The following HFM1 variants were observed in gnomAD, a reference collection of about 807,000 sequenced individuals.
HFM1 encodes probable ATP-dependent DNA helicase HFM1.
A neutral mutation model predicts 192.1 loss-of-function variants in HFM1; 169 were observed. That is an observed-to-expected ratio of 0.88 (90% CI 0.78 to 1.00). The LOEUF (loss-of-function observed/expected upper bound fraction) is 1.00, where lower values mean the gene tolerates loss of function less well. Ranked by LOEUF, HFM1 falls within the 50% of genes least tolerant of loss-of-function variation. The pLI is 0.00. For synonymous variants in HFM1, 525 were observed against 537.8 expected, an observed-to-expected ratio of 0.98 and a Z score of 0.33; for missense variants, 1,661 against 1,668.0, an observed-to-expected ratio of 1.00 and a Z score of 0.07.
At chr1:91,273,563 T>A in intron 34 of HFM1, 149 bp downstream of exon 34, 1 of 533,360 alleles carries the variant, frequency 1.9e-6, no homozygotes, top group Non-Finnish European at 3.3e-6. Flanking sequence ...ACCCAAGAAT[T>A]TGAAAATGAT....
chr1:91,307,178 T>C (rs1441740094), intron 30 of HFM1, among the ~76,000 whole-genome samples: 1 of 152,166 alleles, frequency 6.6e-6, no homozygotes, highest in Non-Finnish European at 1.5e-5. Context: ...CTGTTGTATA[T>C]TTACATCCTA....
In HFM1 at chr1:91,261,222, A is replaced by G; in HGVS notation, c.*68T>C. The G allele has an allele frequency of 1.5e-6, 1 of 667,460 alleles. No individual in the cohort carries two copies. The highest frequency in any genetic ancestry group is 2.3e-6 in the Non-Finnish European group (1 of 443,686). The allele number at this position is 667,460 out of a possible 1,614,324, so 41.3% of individuals were successfully genotyped here. On this transcript the variant is annotated 3_prime_UTR_variant, in exon 39 of 39. Coordinates refer to ENST00000370425, the MANE Select transcript of HFM1 (RefSeq NM_001017975.6). ...CAATTATGAACTACTTTTTAAAAATAAAAAGCATGCTTTGTGATTAGGTGT... is the reference window on the plus strand; with the variant it reads ...CAATTATGAACTACTTTTTAAAAATGAAAAGCATGCTTTGTGATTAGGTGT...
chr1:91,311,663 T>A (rs377445503), intron 30 of HFM1, among the ~76,000 whole-genome samples: 1 of 151,348 alleles, frequency 6.6e-6, no homozygotes, highest in Non-Finnish European at 1.5e-5. Flanking sequence ...GCAGCCTGAC[T>A]ATGCAATAGA....
At chr1:91,359,174 T>C (rs1658139839) in intron 13 of HFM1, among the ~76,000 whole-genome samples, 1 of 152,002 alleles carries the variant, frequency 6.6e-6, no homozygotes, top group African/African-American at 2.4e-5. Flanking sequence ...GTAAAAACAC[T>C]GAAAACTGAA....
chr1:91,369,023 C>G (rs551439464), intron 13 of HFM1, among the ~76,000 whole-genome samples: 462 of 152,102 alleles, frequency 3.0e-3, no homozygotes, highest in Non-Finnish European at 5.2e-3. Context: ...TAATGGTAAA[C>G]GGATCAATTC....
chr1:91,336,702 A>G (rs556350839), intron 20 of HFM1, among the ~76,000 whole-genome samples: 8 of 152,310 alleles, frequency 5.3e-5, no homozygotes, highest in Non-Finnish European at 1.0e-4. Flanking sequence ...AACCAGAAAT[A>G]CCATTTGACC....
At position 91,378,159 on chromosome 1, in the gene HFM1, G is replaced by T; in HGVS notation, c.1261C>A (p.Arg421Ser). 6.2e-7 allele frequency: 1 copy of T among 1,604,842 alleles called. No individual in the cohort carries two copies. Among genetic ancestry groups the T allele is most frequent in the Non-Finnish European group, 8.5e-7 (1 of 1,176,844 alleles). Residue 421 changes from arginine to serine, a missense_variant, in exon 11 of 39, where the codon CGT becomes AGT. By Grantham distance (110) the Arg-to-Ser change is moderately radical. Transcript: ENST00000370425. ...ACTACAACTTCAAGAGTTGGACCACGATTTTCATCTTTTACAATATGTACC... is the reference window on the plus strand; with the variant it reads ...ACTACAACTTCAAGAGTTGGACCACTATTTTCATCTTTTACAATATGTACC... Reference protein sequence around the residue: ...DEVHIVKDENRGPTLEVVVSR... With the variant: ...DEVHIVKDENSGPTLEVVVSR...
At chr1:91,321,840 A>T (rs1313745632) in intron 23 of HFM1, among the ~76,000 whole-genome samples, 1 of 152,254 alleles carries the variant, frequency 6.6e-6, no homozygotes, top group African/African-American at 2.4e-5. Context: ...GGCAAAGTTA[A>T]TGGAAGCACT....
intron 31 of HFM1, 28 bp downstream of exon 31, chr1:91,276,952 CTT>C (rs748765936): frequency 3.6e-5 from 50 of 1,370,586 alleles, no homozygotes; most frequent in Non-Finnish European, 4.9e-5. Context: ...ATTTTGAACA[CTT>C]TAAATAAACT....
At chr1:91,388,700 T>G (rs188657189) in intron 4 of HFM1, among the ~76,000 whole-genome samples, 1 of 152,174 alleles carries the variant, frequency 6.6e-6, no homozygotes, top group Non-Finnish European at 1.5e-5. Context: ...TAGGCAATAG[T>G]TTCTTAGATA....
At chr1:91,310,797 G>A (rs1049052517) in intron 30 of HFM1, among the ~76,000 whole-genome samples, 3 of 152,170 alleles carry the variant, frequency 2.0e-5, no homozygotes, top group African/African-American at 7.2e-5. Flanking sequence ...CTCCCACCAT[G>A]TGATTCTGAG....
intron 36 of HFM1, among the ~76,000 whole-genome samples, chr1:91,264,702 A>G (rs930010938): frequency 6.6e-6 from 1 of 152,050 alleles, no homozygotes; most frequent in South Asian, 2.1e-4. Flanking sequence ...ATAATCCTTA[A>G]GTAGAAAATC....
At chr1:91,269,947 AGTT>A (rs1666121301) in intron 34 of HFM1, among the ~76,000 whole-genome samples, 1 of 152,192 alleles carries the variant, frequency 6.6e-6, no homozygotes, top group Non-Finnish European at 1.5e-5. Flanking sequence ...CTGCACAGGT[AGTT>A]AAGTGCTAGA....
chr1:91,288,062 G>A (rs1188029617), intron 30 of HFM1, among the ~76,000 whole-genome samples: 2 of 151,794 alleles, frequency 1.3e-5, no homozygotes, highest in Non-Finnish European at 2.9e-5. Flanking sequence ...GTGACGGGGA[G>A]AATGGAACCA....
intron 10 of HFM1, 63 bp downstream of exon 10, chr1:91,378,340 T>G (rs1661157796): frequency 7.2e-7 from 1 of 1,396,324 alleles, no homozygotes; most frequent in African/African-American, 1.4e-5. Context: ...AATGTCTTTT[T>G]TCTTTCTGTC....
intron 13 of HFM1, among the ~76,000 whole-genome samples, chr1:91,372,704 T>C (rs1660391958): frequency 1.3e-5 from 2 of 152,190 alleles, no homozygotes; most frequent in South Asian, 4.1e-4. Context: ...CTGCACGTTG[T>C]GCACATGTAC....
At chr1:91,388,012 G>T (rs1662466688) in intron 4 of HFM1, among the ~76,000 whole-genome samples, 1 of 151,662 alleles carries the variant, frequency 6.6e-6, no homozygotes, top group Non-Finnish European at 1.5e-5. Flanking sequence ...AAACAACAGG[G>T]TTCTGAGAGC....
chr1:91,392,357 C>G (rs978722304), intron 4 of HFM1, among the ~76,000 whole-genome samples: 30 of 152,126 alleles, frequency 2.0e-4, no homozygotes, highest in South Asian at 1.9e-3. Context: ...AAATGTCCAT[C>G]AATGATAGAC....
chr1:91,338,791 C>T (rs776895428), intron 20 of HFM1, among the ~76,000 whole-genome samples: 7 of 152,168 alleles, frequency 4.6e-5, no homozygotes, highest in African/African-American at 9.7e-5. Flanking sequence ...ATGGACCCTG[C>T]TGTGCCACCA....
Sources: allele counts gnomAD v4.1 joint callset (sites outside exome capture counted in the v4.1 genomes callset), GRCh38; gene constraint gnomAD v4.1.1; transcripts MANE v1.5; gene names NCBI Gene and HGNC (gene_info 2026-07-23, HGNC 2026-07-21).